The following ENOX1 variants were observed in gnomAD, a reference collection of about 807,000 sequenced individuals.
ENOX1 encodes candidate growth-related and time keeping constitutive hydroquinone (NADH) oxidase.
In ENOX1, 42 loss-of-function variants were observed where a neutral mutation model predicts 82.5. That is an observed-to-expected ratio of 0.51 (90% confidence interval 0.40 to 0.66). ENOX1 has a LOEUF of 0.66. Among genes scored for constraint, ENOX1 ranks in the 30% least tolerant of loss-of-function variants. The probability of loss-of-function intolerance (pLI) is 0.00; values close to 1 mark genes in which losing one functional copy is unlikely to be tolerated. For synonymous variants in ENOX1, 271 were observed against 282.2 expected (o/e 0.96, Z 0.40); for missense variants, 608 against 811.6 (o/e 0.75, Z 3.05).
chr13:43,356,804 G>A (rs1357791959), intron 7 of ENOX1, among the ~76,000 whole-genome samples: 3 of 151,770 alleles, frequency 2.0e-5, no homozygotes, highest in Admixed American at 6.6e-5. Flanking sequence ...TTTTACCTTC[G>A]ATCAAGAGGC....
chr13:43,730,154 G>C (rs1246593803), intron 1 of ENOX1, among the ~76,000 whole-genome samples: 1 of 152,168 alleles, frequency 6.6e-6, no homozygotes, highest in Admixed American at 6.5e-5. Context: ...ATATGTTAAT[G>C]ACTCCTAAAT....
chr13:43,516,015 T>C (rs2077546642), intron 2 of ENOX1, among the ~76,000 whole-genome samples: 1 of 152,164 alleles, frequency 6.6e-6, no homozygotes. Context: ...AAGCCTATTT[T>C]CCACAGGAAA....
intron 2 of ENOX1, among the ~76,000 whole-genome samples, chr13:43,632,385 T>C (rs530548910): frequency 6.6e-6 from 1 of 151,830 alleles, no homozygotes; most frequent in Non-Finnish European, 1.5e-5. Context: ...TTTAATGTAT[T>C]TCTTTTTCTA....
intron 5 of ENOX1, among the ~76,000 whole-genome samples, chr13:43,401,176 T>C (rs2053474759): frequency 6.6e-6 from 1 of 152,222 alleles, no homozygotes; most frequent in Non-Finnish European, 1.5e-5. Context: ...TAGCCCCAGA[T>C]CTTTAACTTC....
chr13:43,287,104 A>C (rs1418857665), intron 12 of ENOX1, among the ~76,000 whole-genome samples: 1 of 152,144 alleles, frequency 6.6e-6, no homozygotes, highest in Non-Finnish European at 1.5e-5. Flanking sequence ...GTCACCTGAC[A>C]CCTCTAGGTC....
intron 2 of ENOX1, among the ~76,000 whole-genome samples, chr13:43,658,252 TTTAG>T (rs1483794727): frequency 6.6e-6 from 1 of 152,250 alleles, no homozygotes; most frequent in Non-Finnish European, 1.5e-5. Flanking sequence ...TCCTACATTA[TTTAG>T]TATCAGTTTC....
chr13:43,493,020 T>C (rs1293341315), intron 2 of ENOX1, among the ~76,000 whole-genome samples: 1 of 152,172 alleles, frequency 6.6e-6, no homozygotes, highest in African/African-American at 2.4e-5. Flanking sequence ...CCAGACTGTC[T>C]TTGGATTTGA....
At chr13:43,716,273 T>C (rs1008036688) in intron 1 of ENOX1, among the ~76,000 whole-genome samples, 19 of 152,292 alleles carry the variant, frequency 1.2e-4, no homozygotes, top group African/African-American at 4.1e-4. Context: ...GTTTTCCTTC[T>C]AACAGACAGG....
intron 11 of ENOX1, among the ~76,000 whole-genome samples, chr13:43,313,157 T>C (rs2047303794): frequency 6.6e-6 from 1 of 152,128 alleles, no homozygotes; most frequent in Non-Finnish European, 1.5e-5. Context: ...CCACTTACGA[T>C]CTTGGGTAAA....
chr13:43,766,641 G>A (rs1489579650), intron 1 of ENOX1, among the ~76,000 whole-genome samples: 1 of 152,118 alleles, frequency 6.6e-6, no homozygotes, highest in Non-Finnish European at 1.5e-5. Context: ...TTATTTTAAG[G>A]TGACAAATAA....
At chr13:43,338,967 G>C (rs1159050678) in intron 9 of ENOX1, among the ~76,000 whole-genome samples, 2 of 152,160 alleles carry the variant, frequency 1.3e-5, no homozygotes, top group Non-Finnish European at 1.5e-5. Flanking sequence ...TTACAGGCGT[G>C]AGCCACCGTG....
At chr13:43,677,361 A>T (rs2085559237) in intron 1 of ENOX1, among the ~76,000 whole-genome samples, 2 of 152,144 alleles carry the variant, frequency 1.3e-5, no homozygotes, top group African/African-American at 4.8e-5. Context: ...GGTCAGGAAC[A>T]AGCAAAGATT....
intron 1 of ENOX1, among the ~76,000 whole-genome samples, chr13:43,700,373 AAG>A (rs749039749): frequency 6.6e-6 from 1 of 152,148 alleles, no homozygotes; most frequent in African/African-American, 2.4e-5. Flanking sequence ...TATTTCTGAA[AAG>A]AGTCTGGTAG....
intron 2 of ENOX1, among the ~76,000 whole-genome samples, chr13:43,498,017 C>A (rs1031083903): frequency 2.0e-5 from 3 of 151,966 alleles, no homozygotes; most frequent in African/African-American, 7.2e-5. Context: ...CTTATGGCTT[C>A]TCATACCCTA....
chr13:43,429,037 T>C (rs1205113240), intron 3 of ENOX1, among the ~76,000 whole-genome samples: 1 of 152,154 alleles, frequency 6.6e-6, no homozygotes, highest in East Asian at 1.9e-4. Flanking sequence ...TGAGAACTGA[T>C]CTGGGCAAGT....
chr13:43,612,925 T>C (rs2082258371), intron 2 of ENOX1, among the ~76,000 whole-genome samples: 1 of 152,152 alleles, frequency 6.6e-6, no homozygotes, highest in Non-Finnish European at 1.5e-5. Flanking sequence ...GCTTTACATT[T>C]TGTAATAAAT....
intron 1 of ENOX1, among the ~76,000 whole-genome samples, chr13:43,711,665 T>C (rs968610418): frequency 6.6e-5 from 10 of 152,294 alleles, no homozygotes; most frequent in Middle Eastern, 3.4e-3. Context: ...ATTTCTCTGA[T>C]GGCCAGTGAT....
intron 13 of ENOX1, among the ~76,000 whole-genome samples, chr13:43,268,683 T>A (rs1020576564): frequency 1.3e-5 from 2 of 152,202 alleles, no homozygotes; most frequent in South Asian, 2.1e-4. Flanking sequence ...ATAAAACGAT[T>A]ATGTGTATGA....
intron 2 of ENOX1, among the ~76,000 whole-genome samples, chr13:43,585,938 G>A (rs894820135): frequency 6.6e-6 from 1 of 152,220 alleles, no homozygotes; most frequent in Non-Finnish European, 1.5e-5. Flanking sequence ...GGGTTACAAT[G>A]TGATGTTTTG....
Sources: gnomAD v4.1 joint callset for allele counts (sites outside exome capture counted in the v4.1 genomes callset) on GRCh38, gnomAD v4.1.1 for gene constraint, MANE v1.5 for transcripts, NCBI Gene and HGNC (gene_info 2026-07-23, HGNC 2026-07-21) for gene names.